Variants in SPIRE2 observed in about 807,000 individuals in gnomAD.
SPIRE2 encodes spire type actin nucleation factor 2, also known as protein spire homolog 2.
Under a neutral mutation model 80.7 loss-of-function variants are expected in SPIRE2, and 76 were observed. That is an observed-to-expected ratio of 0.94 (90% confidence interval 0.78 to 1.14). The LOEUF is 1.14. Among genes scored for constraint, SPIRE2 ranks in the 50% most tolerant of loss-of-function variants. The pLI is 0.00. For synonymous variants in SPIRE2, 535 were observed against 432.6 expected (o/e 1.24, Z -2.94); for missense variants, 1,196 against 1,015.3 (o/e 1.18, Z -2.42).
chr16:89,868,688 AC>A (rs2041810204), intron 13 of SPIRE2, among the ~76,000 whole-genome samples: 1 of 151,902 alleles, frequency 6.6e-6, no homozygotes, highest in South Asian at 2.1e-4. Flanking sequence ...CCCCATCTCT[AC>A]TAAAAATACA....
At position 89,845,381 on chromosome 16, in the gene SPIRE2, T is replaced by C. The variant is rs374416897; in HGVS notation, c.288+16T>C. The C allele has an allele frequency of 6.2e-6, 10 of 1,607,126 alleles. No individual in the cohort carries two copies. The highest frequency in any genetic ancestry group is 7.7e-6 in the Non-Finnish European group (9 of 1,173,730). ...GGAAGCCCAGGTACTTTTTAAAAAA[T>C]TCCAAGTATTACTTGATGTGTGTTA... On this transcript the variant is annotated intron_variant, in intron 2 of 14. Transcript: ENST00000378247.
At chr16:89,831,058 C>T (rs946197556) in intron 1 of SPIRE2, among the ~76,000 whole-genome samples, 2 of 150,356 alleles carry the variant, frequency 1.3e-5, no homozygotes, top group Non-Finnish European at 3.0e-5. Context: ...TACAGGCGCC[C>T]GCCACCACGC....
intron 3 of SPIRE2, among the ~76,000 whole-genome samples, chr16:89,851,483 T>G (rs778696976): frequency 6.6e-6 from 1 of 152,148 alleles, no homozygotes; most frequent in Non-Finnish European, 1.5e-5. Flanking sequence ...ACTTGACAGA[T>G]GAGCAAGTGC....
chr16:89,851,790 C>G (rs1470084816), intron 3 of SPIRE2, among the ~76,000 whole-genome samples: 1 of 152,116 alleles, frequency 6.6e-6, no homozygotes, highest in Non-Finnish European at 1.5e-5. Context: ...AGGGGATTCC[C>G]TCTTGCCTCG....
In SPIRE2 at chr16:89,863,610, G is replaced by GGTGAGGCTGCCTAGAC; in HGVS notation, c.1710+4_1710+19dup. 1 of 1,614,098 alleles carries GGTGAGGCTGCCTAGAC rather than the reference G, an allele frequency of 6.2e-7. No homozygotes were observed. On this transcript the variant is annotated frameshift_variant and splice_region_variant. Coordinates refer to ENST00000378247, the MANE Select transcript of SPIRE2 (RefSeq NM_032451.2). LOFTEE classifies it high-confidence loss of function. The surrounding 1 kb of genome is among the most constrained non-coding windows in gnomAD (Gnocchi z 4.3). ...TCTTCAGCAGTCTGAAGAAGGGGAAGGTGAGGCTGCCTAGACGTGGGGCTA... is the reference window on the plus strand; with the variant it reads ...TCTTCAGCAGTCTGAAGAAGGGGAAGGTGAGGCTGCCTAGACGTGAGGCTGCCTAGACGTGGGGCTA...
intron 1 of SPIRE2, among the ~76,000 whole-genome samples, chr16:89,839,679 G>C (rs1037989901): frequency 6.6e-6 from 1 of 152,218 alleles, no homozygotes; most frequent in African/African-American, 2.4e-5. Context: ...CACGTGCGGG[G>C]GTTGGGCCCA....
chr16:89,867,611 G>A (rs2041801495), intron 12 of SPIRE2, among the ~76,000 whole-genome samples: 2 of 146,940 alleles, frequency 1.4e-5, no homozygotes, highest in African/African-American at 2.5e-5. Flanking sequence ...TTGAGACAGA[G>A]TTTCGCTCAG....
At chr16:89,860,046 C>A (rs560036091) in intron 9 of SPIRE2, among the ~76,000 whole-genome samples, 76 of 152,338 alleles carry the variant, frequency 5.0e-4, no homozygotes, top group African/African-American at 1.7e-3. Context: ...TGGAGCTGTG[C>A]CTCAGCCTCT....
chr16:89,847,577 G>A lies in SPIRE2; in HGVS notation c.288+2212G>A, dbSNP rs942556784. Among the ~76,000 whole-genome samples, 13 of 152,262 alleles carry A rather than the reference G, an allele frequency of 8.5e-5. 1 individual carries two copies. Among genetic ancestry groups the A allele is most frequent in the Admixed American group, 7.2e-4 (11 of 15,288 alleles). The stretch of plus-strand genomic sequence containing the variant: ...CAGAGGCGCATACGTTAACCTGATC[G>A]CCCTGTCCCCAGGAAAGACGGCAAA... On this transcript the variant is annotated intron_variant, in intron 2 of 14. Transcript: ENST00000378247.
chr16:89,869,056 ATAT>A (rs1567679711), intron 13 of SPIRE2, among the ~76,000 whole-genome samples: 12 of 72,286 alleles, frequency 1.7e-4, no homozygotes, highest in Non-Finnish European at 2.8e-4. Flanking sequence ...AAAAAAAAAT[ATAT>A]ATATATATAT....
At chr16:89,849,470 T>G (rs188995481) in intron 2 of SPIRE2, among the ~76,000 whole-genome samples, 12 of 152,386 alleles carry the variant, frequency 7.9e-5, no homozygotes, top group Non-Finnish European at 1.0e-4. Flanking sequence ...TTTGTGTGTG[T>G]GGGTCTTTCT....
intron 1 of SPIRE2, among the ~76,000 whole-genome samples, chr16:89,834,840 C>T (rs1361194640): frequency 5.9e-5 from 5 of 84,202 alleles, no homozygotes; most frequent in South Asian, 8.2e-4. Context: ...CGTAGAAGGC[C>T]CCATAAGCAT....
rs958704134 is a variant in SPIRE2, at chr16:89,858,591, G to A, written c.1272+84G>A. ...AAGTGAGAAGGGCTAAGCTAAGCCG[G>A]GGGCAGCAGCAATTGCGGTGTCTCC... On this transcript the variant is annotated intron_variant, in intron 8 of 14. Transcript: ENST00000378247. 1.0e-5 allele frequency: 14 copies of A among 1,354,004 alleles called. No individual in the cohort carries two copies. The African/African-American group carries it at 1.6e-4, about 16-fold the overall frequency. The allele number at this position is 1,354,004 out of a possible 1,614,324, so 83.9% of individuals were successfully genotyped here.
chr16:89,843,906 G>A (rs1350635679), intron 1 of SPIRE2, among the ~76,000 whole-genome samples: 1 of 145,896 alleles, frequency 6.9e-6, no homozygotes, highest in Non-Finnish European at 1.5e-5. Flanking sequence ...TCGATATGTG[G>A]CCCAGGCTGG....
In SPIRE2 at chr16:89,828,773, G is replaced by A. The variant is rs1212528082; in HGVS notation, c.223G>A (p.Ala75Thr). ...LLLRGDGSVG[A>T]REPEAAEPAT... The stretch of plus-strand genomic sequence containing the variant: ...GCTGCGCGGGGACGGCTCGGTCGGG[G>A]CGCGGGAGCCCGAGGCCGCGGGTGA... The change falls in exon 1 of 15, where the codon GCG becomes ACG. Residue 75 changes from alanine (A) to threonine (T), a missense_variant. Ala to Thr is a moderately conservative substitution (Grantham distance 58). Transcript: ENST00000378247. This position sits in a 1 kb window ranked among gnomAD's most constrained non-coding sequence, Gnocchi z 5.9. 3 of 1,187,144 alleles carry A rather than the reference G, an allele frequency of 2.5e-6. No homozygotes were observed. Among genetic ancestry groups the A allele is most frequent in the East Asian group, 7.3e-5 (2 of 27,496 alleles). 73.5% of individuals were successfully genotyped at this position (1,187,144 alleles called of 1,614,324 possible). A position where few individuals can be genotyped will look rare whatever the true frequency, so the allele number is the denominator to read the frequency against.
intron 12 of SPIRE2, 26 bp from the exon 13 acceptor site, chr16:89,868,163 G>A: frequency 6.2e-7 from 1 of 1,614,078 alleles, no homozygotes; most frequent in Non-Finnish European, 8.5e-7. Context: ...CCCTGCTGAT[G>A]CTGCATTTCC....
chr16:89,866,049 T>G (rs918758774), intron 12 of SPIRE2, among the ~76,000 whole-genome samples: 2 of 149,430 alleles, frequency 1.3e-5, no homozygotes, highest in Non-Finnish European at 3.0e-5. Context: ...TTTGGGAGGC[T>G]GAGGTGGGAG....
In SPIRE2 at chr16:89,828,878, G is replaced by A. The variant is rs1233314309; in HGVS notation, c.244+84G>A. The A allele has an allele frequency of 2.8e-6, 3 of 1,080,980 alleles. No homozygotes were observed. The highest frequency in any genetic ancestry group is 3.4e-6 in the Non-Finnish European group (3 of 872,748). 67.0% of individuals were successfully genotyped at this position (1,080,980 alleles called of 1,614,324 possible). A position where few individuals can be genotyped will look rare whatever the true frequency, so the allele number is the denominator to read the frequency against. On this transcript the variant is annotated intron_variant, in intron 1 of 14. Transcript: ENST00000378247. The surrounding 1 kb of genome is among the most constrained non-coding windows in gnomAD (Gnocchi z 5.9). ...CCTGGGTGGGGGTGGTCCCGGCGGA[G>A]AGGCTGCGACCGGTTCTGGAGCGGG...
chr16:89,830,379 C>G (rs1011393540), intron 1 of SPIRE2, among the ~76,000 whole-genome samples: 1 of 151,206 alleles, frequency 6.6e-6, no homozygotes, highest in East Asian at 1.9e-4. Flanking sequence ...TGTTCATAAC[C>G]CTGTCTCATG....
Sources: allele counts gnomAD v4.1 joint callset (sites outside exome capture counted in the v4.1 genomes callset), GRCh38; gene constraint gnomAD v4.1.1; non-coding constraint Gnocchi (gnomAD v3.1); transcripts MANE v1.5; gene names NCBI Gene and HGNC (gene_info 2026-07-23, HGNC 2026-07-21).